Variants in AMOTL1 observed in about 807,000 individuals in gnomAD.
AMOTL1 encodes angiomotin-like protein 1.
Under a neutral mutation model 102.9 loss-of-function variants are expected in AMOTL1, and 45 were observed. The observed-to-expected ratio is 0.44, with a 90% CI of 0.34 to 0.56. The LOEUF is 0.56. Ranked by LOEUF, AMOTL1 falls within the 20% of genes least tolerant of loss-of-function variation. The probability of loss-of-function intolerance (pLI) is 0.01; values close to 1 mark genes in which losing one functional copy is unlikely to be tolerated. For missense variants in AMOTL1, 1,114 were observed against 1,225.6 expected (o/e 0.91, Z 1.36); for synonymous variants, 481 against 484.7 (o/e 0.99, Z 0.10).
At chr11:94,706,895 G>A (rs1384012004) in intron 1 of AMOTL1, among the ~76,000 whole-genome samples, 1 of 152,154 alleles carries the variant, frequency 6.6e-6, no homozygotes, top group Non-Finnish European at 1.5e-5. Flanking sequence ...TGAAGCAACT[G>A]TAAGTGGACT....
chr11:94,707,086 C>T (rs1949940564), intron 1 of AMOTL1, among the ~76,000 whole-genome samples: 1 of 152,106 alleles, frequency 6.6e-6, no homozygotes. Context: ...AAAAGGGGCC[C>T]AGGATGCCTG....
intron 1 of AMOTL1, 28 bp downstream of exon 1, chr11:94,768,588 G>A: frequency 6.3e-7 from 1 of 1,578,536 alleles, no homozygotes; most frequent in Non-Finnish European, 8.6e-7. Flanking sequence ...GAGGTGCCGG[G>A]AGGGCGTCTC....
chr11:94,711,225 T>C (rs567935092), intron 1 of AMOTL1, among the ~76,000 whole-genome samples: 1 of 152,290 alleles, frequency 6.6e-6, no homozygotes, highest in East Asian at 1.9e-4. Flanking sequence ...TTGATCTAGT[T>C]GTGGATTTTG....
chr11:94,811,873 C>T (rs1951690059), intron 3 of AMOTL1, among the ~76,000 whole-genome samples: 1 of 152,180 alleles, frequency 6.6e-6, no homozygotes, highest in Non-Finnish European at 1.5e-5. Flanking sequence ...CTGCTCTCTA[C>T]CATCCTATAA....
intron 1 of AMOTL1, among the ~76,000 whole-genome samples, chr11:94,785,594 C>T (rs968427464): frequency 3.9e-5 from 6 of 152,130 alleles, no homozygotes; most frequent in African/African-American, 1.4e-4. Context: ...GATTTAGGAG[C>T]TGGGTGAGTG....
intron 3 of AMOTL1, among the ~76,000 whole-genome samples, chr11:94,814,123 A>G (rs1951727059): frequency 6.6e-6 from 1 of 152,130 alleles, no homozygotes; most frequent in African/African-American, 2.4e-5. Context: ...GGTCAATGGG[A>G]GCTTATCTTC....
Position 94,771,264 on chromosome 11 carries a change from G to GC in AMOTL1, c.49+2704_49+2705insC, listed in dbSNP as rs201239180. Among the ~76,000 whole-genome samples the GC allele has an allele frequency of 1.1e-4, 16 of 145,050 alleles. 1 individual carries two copies. The highest frequency in any genetic ancestry group is 3.5e-3 in the Middle Eastern group (1 of 288). ...TCTTTTCTTTTTGGCGGGGTTGGGG[G>GC]GGGGGTGCGGTGTGTGGCTATCTGC... On this transcript the variant is annotated intron_variant, in intron 1 of 12. Transcript: ENST00000433060.
At chr11:94,816,762 C>T (rs1041258811) in intron 3 of AMOTL1, among the ~76,000 whole-genome samples, 3 of 152,150 alleles carry the variant, frequency 2.0e-5, no homozygotes, top group African/African-American at 7.2e-5. Flanking sequence ...GCAGTTAAAA[C>T]CTCATCTTCA....
chr11:94,857,413 G>T (rs1037828125), intron 8 of AMOTL1, among the ~76,000 whole-genome samples: 1 of 152,200 alleles, frequency 6.6e-6, no homozygotes, highest in Non-Finnish European at 1.5e-5. Flanking sequence ...TTGAAGGGGG[G>T]TGGAGAGAGA....
At chr11:94,857,271 G>C (rs1332143538) in intron 8 of AMOTL1, among the ~76,000 whole-genome samples, 1 of 152,192 alleles carries the variant, frequency 6.6e-6, no homozygotes, top group African/African-American at 2.4e-5. Flanking sequence ...TCTCACTGCT[G>C]TTCTCATTGC....
intron 4 of AMOTL1, among the ~76,000 whole-genome samples, chr11:94,827,583 A>G (rs927909417): frequency 3.9e-5 from 6 of 152,224 alleles, no homozygotes; most frequent in African/African-American, 1.4e-4. Flanking sequence ...GTGCTGCTGC[A>G]TTACCAGCGG....
chr11:94,779,305 A>G lies in AMOTL1; in HGVS notation c.49+10745A>G, dbSNP rs546261845. Among the ~76,000 whole-genome samples, 13 of 152,276 alleles carry G rather than the reference A, an allele frequency of 8.5e-5. No individual in the cohort carries two copies. The East Asian group carries it at 2.1e-3, about 25-fold the overall frequency. On this transcript the variant is annotated intron_variant, in intron 1 of 12. Coordinates refer to ENST00000433060, the MANE Select transcript of AMOTL1 (RefSeq NM_130847.3). ...CTGTAAGATTGATCCCCTCCCCACT[A>G]CTTTACCTCCTGCCTTATGTAACAT...
intron 5 of AMOTL1, among the ~76,000 whole-genome samples, chr11:94,830,897 C>T (rs1952055922): frequency 6.6e-6 from 1 of 152,256 alleles, no homozygotes; most frequent in South Asian, 2.1e-4. Context: ...TGAGTATCAT[C>T]TGCATCCAGT....
chr11:94,866,427 G>T, intron 11 of AMOTL1: 1 of 491,070 alleles, frequency 2.0e-6, no homozygotes, highest in Non-Finnish European at 3.7e-6. Flanking sequence ...GTAAGTTGAG[G>T]TGACCCTTAT....
At chr11:94,787,495 C>A (rs907614514) in intron 1 of AMOTL1, among the ~76,000 whole-genome samples, 1 of 151,770 alleles carries the variant, frequency 6.6e-6, no homozygotes, top group Admixed American at 6.6e-5. Flanking sequence ...CGAGACCATC[C>A]TGGCTAACAC....
intron 8 of AMOTL1, among the ~76,000 whole-genome samples, 183 bp from the exon 9 acceptor site, chr11:94,859,342 G>T (rs1362331573): frequency 2.0e-5 from 3 of 152,044 alleles, no homozygotes; most frequent in African/African-American, 7.2e-5. Flanking sequence ...TGTAAAACTG[G>T]GATAATATTG....
chr11:94,782,086 A>G (rs537207913), intron 1 of AMOTL1, among the ~76,000 whole-genome samples: 1 of 152,274 alleles, frequency 6.6e-6, no homozygotes, highest in South Asian at 2.1e-4. Flanking sequence ...CTTCCGCTGC[A>G]AACTGAAAAA....
intron 3 of AMOTL1, among the ~76,000 whole-genome samples, chr11:94,812,215 A>G (rs577872184): frequency 5.9e-5 from 9 of 152,274 alleles, no homozygotes; most frequent in Admixed American, 5.2e-4. Flanking sequence ...CAATTTGTGA[A>G]CCCCAAAGTA....
At chr11:94,848,620 G>A (rs577147998) in intron 6 of AMOTL1, among the ~76,000 whole-genome samples, 1 of 152,310 alleles carries the variant, frequency 6.6e-6, no homozygotes, top group East Asian at 1.9e-4. Context: ...TGTCCCCACT[G>A]GCTGGGAGAC....
Sources: gnomAD v4.1 joint callset for allele counts (sites outside exome capture counted in the v4.1 genomes callset) on GRCh38, gnomAD v4.1.1 for gene constraint, MANE v1.5 for transcripts, NCBI Gene and HGNC (gene_info 2026-07-23, HGNC 2026-07-21) for gene names.